HS6ST2: variants seen among roughly 807,000 people sequenced by gnomAD.
HS6ST2 encodes heparan sulfate 6-O-sulfotransferase 2, also known as heparan-sulfate 6-O-sulfotransferase 2.
In HS6ST2, 17 loss-of-function variants were observed where a neutral mutation model predicts 33.0. That is an observed-to-expected ratio of 0.52 (90% CI 0.35 to 0.77). The LOEUF (loss-of-function observed/expected upper bound fraction) is 0.77. Ranked by LOEUF, HS6ST2 falls within the 30% of genes least tolerant of loss-of-function variation. HS6ST2 has a pLI of 0.01. For missense variants in HS6ST2, 519 were observed against 551.7 expected (o/e 0.94, Z 0.59); for synonymous variants, 248 against 237.1 (o/e 1.05, Z -0.42).
chrX:132,956,780 TC>T, intron 2 of HS6ST2, 27 bp downstream of exon 2: 1 of 1,140,461 alleles, frequency 8.8e-7, no homozygotes, highest in East Asian at 3.3e-5. Flanking sequence ...TAGGCCCGGG[TC>T]CCGCTCGACT....
At chrX:132,653,894 G>A (rs2063711594) in intron 4 of HS6ST2, among the ~76,000 whole-genome samples, 2 of 111,364 alleles carry the variant, frequency 1.8e-5, no homozygotes, top group African/African-American at 3.3e-5. Flanking sequence ...CCAGGTCAAG[G>A]AAGATAGTTC....
intron 2 of HS6ST2, among the ~76,000 whole-genome samples, chrX:132,805,371 C>A (rs1156702593): frequency 9.0e-6 from 1 of 111,348 alleles, no homozygotes; most frequent in Non-Finnish European, 1.9e-5. Context: ...GGGGAGAAGT[C>A]TCGGGTCTGA....
At chrX:132,753,100 G>A (rs905477197) in intron 2 of HS6ST2, among the ~76,000 whole-genome samples, 2 of 111,374 alleles carry the variant, frequency 1.8e-5, no homozygotes, top group Admixed American at 1.9e-4. Context: ...CTGGCTGCTG[G>A]GCACAGCATT....
At chrX:132,823,452 A>G (rs945083517) in intron 2 of HS6ST2, among the ~76,000 whole-genome samples, 1 of 109,837 alleles carries the variant, frequency 9.1e-6, no homozygotes, top group Non-Finnish European at 1.9e-5. Flanking sequence ...CTGAGTCTCT[A>G]AAGTCCACTG....
chrX:132,804,026 A>G (rs1443254207), intron 2 of HS6ST2, among the ~76,000 whole-genome samples: 3 of 112,036 alleles, frequency 2.7e-5, no homozygotes, highest in African/African-American at 9.7e-5. Context: ...CCAGGCTGTT[A>G]TTTTTATTAC....
chrX:132,870,761 TA>T (rs1178734871), intron 2 of HS6ST2, among the ~76,000 whole-genome samples: 1 of 110,972 alleles, frequency 9.0e-6, no homozygotes, highest in Non-Finnish European at 1.9e-5. Context: ...ATACAAAAAT[TA>T]ACTCAAGATG....
chrX:132,939,574 G>A (rs1487037999), intron 2 of HS6ST2, among the ~76,000 whole-genome samples: 5 of 111,139 alleles, frequency 4.5e-5, no homozygotes, highest in Non-Finnish European at 7.5e-5. Context: ...GCAGTGAGCC[G>A]AGATTGCACC....
intron 2 of HS6ST2, among the ~76,000 whole-genome samples, chrX:132,793,289 G>A (rs1421763328): frequency 2.8e-5 from 3 of 108,784 alleles, no homozygotes; most frequent in African/African-American, 1.0e-4. Context: ...TCAAACTCCT[G>A]ACCTCAGGTG....
chrX:132,697,155 T>C (rs2064110257), intron 3 of HS6ST2, among the ~76,000 whole-genome samples: 1 of 112,255 alleles, frequency 8.9e-6, no homozygotes, highest in Admixed American at 9.4e-5. Context: ...CCACTTTCTG[T>C]TTTCTTTGGA....
At chrX:132,686,150 T>G (rs1039795950) in intron 3 of HS6ST2, among the ~76,000 whole-genome samples, 1 of 112,227 alleles carries the variant, frequency 8.9e-6, no homozygotes, top group Non-Finnish European at 1.9e-5. Context: ...TGAAAACAGT[T>G]CTGCTGACAG....
rs138680791 is a variant in HS6ST2, at chrX:132,762,704, G to C, written c.948-54210C>G. Among the ~76,000 whole-genome samples the C allele has an allele frequency of 8.1e-3, 901 of 111,546 alleles. 9 individuals carry two copies. The highest frequency in any genetic ancestry group is 0.027 in the African/African-American group (837 of 30,697). ...GGTCCATATTGGCATCATGTCAGCT[G>C]CTAATGACCCTTTCCAAGAGGTTGG... is the stretch of plus-strand genomic sequence containing the variant. On this transcript the variant is annotated intron_variant, in intron 2 of 4. Coordinates refer to ENST00000370833, the MANE Select transcript of HS6ST2 (RefSeq NM_001394073.1).
chrX:132,955,018 A>G (rs2067053811), intron 2 of HS6ST2, among the ~76,000 whole-genome samples: 1 of 111,848 alleles, frequency 8.9e-6, no homozygotes, highest in South Asian at 3.8e-4. Context: ...TGCCCCATGG[A>G]ACTCCAGACA....
In HS6ST2 at chrX:132,787,198, T is replaced by TATAC. The variant is rs1556443168; in HGVS notation, c.948-78705_948-78704insGTAT. Among the ~76,000 whole-genome samples, 205 of 80,061 alleles carry TATAC rather than the reference T, an allele frequency of 2.6e-3. 4 individuals are homozygous for TATAC. Among genetic ancestry groups the TATAC allele is most frequent in the African/African-American group, 8.9e-3 (159 of 17,788 alleles). 69.5% of individuals were successfully genotyped at this position (80,061 alleles called of 115,157 possible). Reference sequence around the variant, plus strand: ...ATATATATATATATACATATATATATACACATATATATATACACATATATA... The same window carrying TATAC: ...ATATATATATATATACATATATATATATACACACATATATATATACACATATATA... On this transcript the variant is annotated intron_variant, in intron 2 of 4. Transcript: ENST00000370833.
chrX:132,714,347 C>T (rs911862604), intron 2 of HS6ST2, among the ~76,000 whole-genome samples: 2 of 110,320 alleles, frequency 1.8e-5, no homozygotes, highest in Admixed American at 9.6e-5. Context: ...AGGGAGTCTC[C>T]CTCTGTTGCC....
intron 2 of HS6ST2, among the ~76,000 whole-genome samples, chrX:132,745,581 T>C (rs1347470324): frequency 8.9e-6 from 1 of 112,163 alleles, no homozygotes; most frequent in Non-Finnish European, 1.9e-5. Flanking sequence ...CAACTTAGAC[T>C]GAAGCAAAGC....
At chrX:132,713,529 G>C (rs1046950331) in intron 2 of HS6ST2, among the ~76,000 whole-genome samples, 2 of 111,295 alleles carry the variant, frequency 1.8e-5, no homozygotes, top group Non-Finnish European at 3.8e-5. Flanking sequence ...TGATATGGGA[G>C]AGGGTTGTCC....
intron 4 of HS6ST2, among the ~76,000 whole-genome samples, chrX:132,646,197 T>G (rs2063639920): frequency 8.9e-6 from 1 of 112,089 alleles, no homozygotes; most frequent in Non-Finnish European, 1.9e-5. Context: ...TCAGGAGTGC[T>G]GGGAAGCACA....
chrX:132,759,848 G>A (rs745881721), intron 2 of HS6ST2, among the ~76,000 whole-genome samples: 6 of 111,475 alleles, frequency 5.4e-5, no homozygotes, highest in African/African-American at 1.6e-4. Flanking sequence ...TGATCACATG[G>A]GCCAGGCACT....
intron 2 of HS6ST2, among the ~76,000 whole-genome samples, chrX:132,727,416 C>A (rs1417985660): frequency 9.0e-6 from 1 of 110,732 alleles, no homozygotes; most frequent in Non-Finnish European, 1.9e-5. Flanking sequence ...ATATGGGAAA[C>A]CATATATGAT....
Sources: allele counts gnomAD v4.1 joint callset (sites outside exome capture counted in the v4.1 genomes callset), GRCh38; gene constraint gnomAD v4.1.1; transcripts MANE v1.5; gene names NCBI Gene and HGNC (gene_info 2026-07-23, HGNC 2026-07-21).